Variants in LSAMP observed in about 807,000 individuals in gnomAD.
The protein encoded by LSAMP is limbic system-associated membrane protein.
Under a neutral mutation model 38.6 loss-of-function variants are expected in LSAMP, and 7 were observed. The observed-to-expected ratio is 0.18, with a 90% CI of 0.10 to 0.34. The LOEUF (loss-of-function observed/expected upper bound fraction) is 0.34. Ranked by LOEUF, LSAMP falls within the 10% of genes least tolerant of loss-of-function variation. The probability of loss-of-function intolerance (pLI) is 1.00; values close to 1 mark genes in which losing one functional copy is unlikely to be tolerated. For missense variants in LSAMP, 313 were observed against 420.0 expected, an observed-to-expected ratio of 0.75 and a Z score of 2.23; for synonymous variants, 154 against 166.8, an observed-to-expected ratio of 0.92 and a Z score of 0.59.
chr3:116,301,924 C>T (rs746441463), intron 1 of LSAMP, among the ~76,000 whole-genome samples: 9 of 152,268 alleles, frequency 5.9e-5, no homozygotes, highest in Non-Finnish European at 1.2e-4. Flanking sequence ...GCTGTGTGGA[C>T]GTGGTAAAAA....
intron 3 of LSAMP, among the ~76,000 whole-genome samples, chr3:115,875,564 A>T (rs1363985649): frequency 2.6e-5 from 4 of 152,070 alleles, no homozygotes; most frequent in Non-Finnish European, 5.9e-5. Flanking sequence ...ATGAATCTCA[A>T]ATAATTTTTC....
chr3:115,936,118 C>T (rs763374879), intron 3 of LSAMP, among the ~76,000 whole-genome samples: 4 of 152,138 alleles, frequency 2.6e-5, no homozygotes, highest in South Asian at 2.1e-4. Context: ...TCTGGAAGTC[C>T]GAGAGAACCA....
At chr3:116,208,619 G>A (rs557343888) in intron 1 of LSAMP, among the ~76,000 whole-genome samples, 471 of 152,192 alleles carry the variant, frequency 3.1e-3, no homozygotes, top group South Asian at 3.7e-3. Context: ...TCCTTCTAAC[G>A]GACAGGACCC....
chr3:116,216,735 G>A (rs898023822), intron 1 of LSAMP, among the ~76,000 whole-genome samples: 1 of 152,130 alleles, frequency 6.6e-6, no homozygotes, highest in Non-Finnish European at 1.5e-5. Flanking sequence ...AGGAGATTAA[G>A]GAAGAAGTGT....
intron 1 of LSAMP, among the ~76,000 whole-genome samples, chr3:116,183,575 A>G (rs1355896219): frequency 6.6e-6 from 1 of 151,868 alleles, no homozygotes; most frequent in Non-Finnish European, 1.5e-5. Context: ...TTTAGAGCAT[A>G]AGTTTCCTTA....
intron 1 of LSAMP, among the ~76,000 whole-genome samples, chr3:116,353,425 GTTAT>G (rs781572606): frequency 1.3e-4 from 20 of 151,968 alleles, no homozygotes; most frequent in Non-Finnish European, 2.5e-4. Flanking sequence ...CCTTGGTATT[GTTAT>G]TTAATTACTT....
intron 2 of LSAMP, among the ~76,000 whole-genome samples, chr3:116,046,758 C>G (rs751914784): frequency 3.3e-5 from 5 of 152,200 alleles, no homozygotes; most frequent in Admixed American, 6.5e-5. Flanking sequence ...TAAGCATCTT[C>G]TGAATTTCTA....
intron 2 of LSAMP, among the ~76,000 whole-genome samples, chr3:116,058,722 G>C (rs1056782395): frequency 6.6e-6 from 1 of 152,120 alleles, no homozygotes; most frequent in Non-Finnish European, 1.5e-5. Flanking sequence ...GGGTGTTCAA[G>C]TTCATATTTT....
chr3:115,890,637 G>A (rs191505198), intron 3 of LSAMP, among the ~76,000 whole-genome samples: 370 of 151,760 alleles, frequency 2.4e-3, no homozygotes, highest in African/African-American at 8.5e-3. Flanking sequence ...CCTACTCTTC[G>A]CCTGTTTCTG....
intron 3 of LSAMP, among the ~76,000 whole-genome samples, chr3:115,982,635 G>C (rs1329061354): frequency 6.6e-6 from 1 of 151,796 alleles, no homozygotes; most frequent in Admixed American, 6.6e-5. Context: ...CTTTTCCCCT[G>C]TATTGTACAT....
chr3:116,265,993 G>A (rs2046886818), intron 1 of LSAMP, among the ~76,000 whole-genome samples: 1 of 151,910 alleles, frequency 6.6e-6, no homozygotes, highest in Non-Finnish European at 1.5e-5. Flanking sequence ...TAGTGAGAAT[G>A]GGGGAGGAAA....
intron 6 of LSAMP, among the ~76,000 whole-genome samples, chr3:115,818,790 T>TATATATATATATATATATA (rs1934117792): frequency 2.9e-5 from 2 of 69,786 alleles, no homozygotes; most frequent in East Asian, 9.8e-4. Flanking sequence ...AGTTGTACTT[T>TATATATATATATATATATA]TATATATATA....
At chr3:116,442,182 T>C (rs966980126) in intron 1 of LSAMP, among the ~76,000 whole-genome samples, 23 of 152,198 alleles carry the variant, frequency 1.5e-4, no homozygotes, top group African/African-American at 5.5e-4. Context: ...AAAGAAACTC[T>C]TGTTTCACAG....
chr3:115,884,574 T>C (rs1246352381), intron 3 of LSAMP, among the ~76,000 whole-genome samples: 1 of 152,030 alleles, frequency 6.6e-6, no homozygotes, highest in African/African-American at 2.4e-5. Flanking sequence ...GAGTCTATTA[T>C]AAGGTTCATC....
chr3:115,927,102 C>T (rs1042419750), intron 3 of LSAMP, among the ~76,000 whole-genome samples: 4 of 152,196 alleles, frequency 2.6e-5, no homozygotes, highest in African/African-American at 9.7e-5. Flanking sequence ...TTGAATGGTA[C>T]TCTTCTTTAT....
intron 3 of LSAMP, among the ~76,000 whole-genome samples, chr3:115,915,640 C>T (rs978694957): frequency 6.6e-6 from 1 of 151,678 alleles, no homozygotes; most frequent in East Asian, 1.9e-4. Flanking sequence ...TTAGGAATAT[C>T]CTTTTTTTTT....
intron 4 of LSAMP, among the ~76,000 whole-genome samples, chr3:115,847,089 G>C (rs1290137311): frequency 6.6e-6 from 1 of 152,148 alleles, no homozygotes; most frequent in African/African-American, 2.4e-5. Flanking sequence ...TTATTTTATA[G>C]TATTATTATT....
At chr3:115,954,322 G>A (rs1279631134) in intron 3 of LSAMP, among the ~76,000 whole-genome samples, 6 of 152,042 alleles carry the variant, frequency 3.9e-5, no homozygotes, top group African/African-American at 1.4e-4. Flanking sequence ...CCCTACCTCC[G>A]TATCTCCACG....
intron 1 of LSAMP, among the ~76,000 whole-genome samples, chr3:116,343,089 A>C (rs2048018270): frequency 6.6e-6 from 1 of 152,106 alleles, no homozygotes; most frequent in Admixed American, 6.6e-5. Context: ...AAAAATAGAA[A>C]ACAAAAACAA....
Sources: allele counts gnomAD v4.1 joint callset (sites outside exome capture counted in the v4.1 genomes callset), GRCh38; gene constraint gnomAD v4.1.1; transcripts MANE v1.5; gene names NCBI Gene and HGNC (gene_info 2026-07-23, HGNC 2026-07-21).